The following CDC23 variants were observed in gnomAD, a reference collection of about 807,000 sequenced individuals.
CDC23 encodes the protein cell division cycle 23.
A neutral mutation model predicts 81.7 loss-of-function variants in CDC23; 26 were observed. That is an observed-to-expected ratio of 0.32 (90% CI 0.23 to 0.44). The LOEUF (loss-of-function observed/expected upper bound fraction) is 0.44, where lower values mean the gene tolerates loss of function less well. Among genes scored for constraint, CDC23 ranks in the 20% least tolerant of loss-of-function variants. The pLI is 1.00. For synonymous variants in CDC23, 267 were observed against 270.8 expected (o/e 0.99, Z 0.14); for missense variants, 519 against 728.0 (o/e 0.71, Z 3.30).
At chr5:138,207,911 T>C (rs1755070620) in intron 2 of CDC23, among the ~76,000 whole-genome samples, 4 of 151,088 alleles carry the variant, frequency 2.6e-5, no homozygotes, top group African/African-American at 4.9e-5. Flanking sequence ...TCTGGTGACG[T>C]AGCAAGACTC....
At chr5:138,195,639 A>G (rs545343971) in intron 9 of CDC23, among the ~76,000 whole-genome samples, 1,233 of 116,870 alleles carry the variant, frequency 0.011, 21 homozygotes, top group African/African-American at 0.039. Context: ...ATATATATAC[A>G]TATATAATAT....
Position 138,188,217 on chromosome 5 carries a change from A to G in CDC23, c.*761T>C, listed in dbSNP as rs1340702615. On this transcript the variant is annotated 3_prime_UTR_variant, in exon 16 of 16. Transcript: ENST00000394886. ...GTATAATCACCAATGTTATTTCCAAATGTCCGTGAAATTATCTATAATCCT... is the reference window on the plus strand; with the variant it reads ...GTATAATCACCAATGTTATTTCCAAGTGTCCGTGAAATTATCTATAATCCT... The G allele has an allele frequency of 3.9e-5, 6 of 152,176 alleles. No homozygotes were observed. Among genetic ancestry groups the G allele is most frequent in the Admixed American group, 3.9e-4 (6 of 15,268 alleles). The allele number at this position is 152,176 out of a possible 1,614,324, so 9.4% of individuals were successfully genotyped here. A position where few individuals can be genotyped will look rare whatever the true frequency, so the allele number is the denominator to read the frequency against.
intron 9 of CDC23, among the ~76,000 whole-genome samples, chr5:138,196,890 C>CTTTTT (rs34002952): frequency 8.8e-6 from 1 of 113,424 alleles, no homozygotes; most frequent in Non-Finnish European, 1.8e-5. Context: ...TTTTTTTTTC[C>CTTTTT]TTTTTTTTTT....
chr5:138,204,589 A>G (rs1355602650), intron 3 of CDC23, among the ~76,000 whole-genome samples: 5 of 151,816 alleles, frequency 3.3e-5, no homozygotes, highest in African/African-American at 1.2e-4. Flanking sequence ...TTTCAAATAA[A>G]AGGTTAAAAA....
Position 138,188,740 on chromosome 5 carries a change from G to A in CDC23, c.*238C>T. 8.4e-6 allele frequency: 3 copies of A among 355,172 alleles called. No homozygotes were observed. The highest frequency in any genetic ancestry group is 1.5e-5 in the Non-Finnish European group (3 of 198,466). 22.0% of individuals were successfully genotyped at this position (355,172 alleles called of 1,614,324 possible). On this transcript the variant is annotated 3_prime_UTR_variant, in exon 16 of 16. Coordinates refer to ENST00000394886, the MANE Select transcript of CDC23 (RefSeq NM_004661.4). ...TCAGGGAAGAAGGCCAAGATCTATA[G>A]CCACTCTTTGGACATAAGTGAGACA... is the stretch of plus-strand genomic sequence containing the variant.
Position 138,195,642 on chromosome 5 carries a change from T to C in CDC23, c.1012+2557A>G, listed in dbSNP as rs560426285. On this transcript the variant is annotated intron_variant, in intron 9 of 15. Coordinates refer to ENST00000394886, the MANE Select transcript of CDC23 (RefSeq NM_004661.4). ...ATATAAATATAAATATATATACATATATAATATATATTATATACATATATT... is the reference window on the plus strand; with the variant it reads ...ATATAAATATAAATATATATACATACATAATATATATTATATACATATATT... Among the ~76,000 whole-genome samples the C allele has an allele frequency of 3.0e-3, 347 of 116,968 alleles. 3 individuals are homozygous for C. Among genetic ancestry groups the C allele is most frequent in the African/African-American group, 0.011 (337 of 30,184 alleles). 76.7% of individuals were successfully genotyped at this position (116,968 alleles called of 152,430 possible).
At chr5:138,195,544 A>AT (rs1460073317) in intron 9 of CDC23, among the ~76,000 whole-genome samples, 1 of 112,614 alleles carries the variant, frequency 8.9e-6, no homozygotes, top group East Asian at 2.2e-4. Flanking sequence ...ATATTTATAT[A>AT]TAATATAATT....
chr5:138,204,152 A>G (rs911275201), intron 3 of CDC23, among the ~76,000 whole-genome samples: 2 of 151,516 alleles, frequency 1.3e-5, no homozygotes, highest in Non-Finnish European at 3.0e-5. Context: ...GTGTAGAGAT[A>G]AAGTAGAGAG....
At chr5:138,209,480 C>T (rs1033871212) in intron 2 of CDC23, among the ~76,000 whole-genome samples, 3 of 150,462 alleles carry the variant, frequency 2.0e-5, no homozygotes, top group East Asian at 2.0e-4. Flanking sequence ...CAAAGGATAA[C>T]GAGTTTAAGG....
chr5:138,189,886 T>TC lies in CDC23; in HGVS notation c.1444dup (p.Glu482GlyfsTer41), dbSNP rs759378162. 4 of 1,614,094 alleles carry TC rather than the reference T, an allele frequency of 2.5e-6. No individual in the cohort carries two copies. In the Admixed American group the frequency reaches 6.7e-5, roughly 27 times the overall value. Reference sequence around the variant, plus strand: ...GTAACACTGGGCAGCCTGTTCTGACTCAGTCAACTGTTCATGAAGCCTACA... The same window carrying TC: ...GTAACACTGGGCAGCCTGTTCTGACTCCAGTCAACTGTTCATGAAGCCTACA... On this transcript the variant is annotated frameshift_variant, in exon 14 of 16. Transcript: ENST00000394886. LOFTEE classifies it high-confidence loss of function.
rs767777195 is a variant in CDC23, at chr5:138,198,767, A to C, written c.670T>G (p.Leu224Val). 6.2e-7 allele frequency: 1 copy of C among 1,613,918 alleles called. No individual in the cohort carries two copies. The highest frequency in any genetic ancestry group is 1.7e-5 in the Admixed American group (1 of 59,984). The change falls in exon 7 of 16, where the codon TTG becomes GTG. Residue 224 changes from leucine to valine, a missense_variant. Leu to Val is a conservative substitution (Grantham distance 32). Coordinates refer to ENST00000394886, the MANE Select transcript of CDC23 (RefSeq NM_004661.4). ...AACTCTTTCATCCAGGTGTCTGGCA[A>C]AGACAGGAACTTCAGCTGGCAGCAG... ...TDKEMLKFLS[L>V]PDTWMKEFFL...
intron 9 of CDC23, among the ~76,000 whole-genome samples, chr5:138,196,890 C>CTTTTTTTTTCCT (rs1754918582): frequency 1.8e-5 from 2 of 113,426 alleles, no homozygotes; most frequent in African/African-American, 7.0e-5. Flanking sequence ...TTTTTTTTTC[C>CTTTTTTTTTCCT]TTTTTTTTTT....
intron 6 of CDC23, among the ~76,000 whole-genome samples, chr5:138,200,102 C>G (rs1015053599): frequency 2.6e-5 from 4 of 152,124 alleles, no homozygotes; most frequent in Non-Finnish European, 4.4e-5. Flanking sequence ...CATGACAGCT[C>G]AGAAGAGGCC....
At chr5:138,198,569 G>A in intron 7 of CDC23, 36 bp downstream of exon 7, 1 of 1,612,626 alleles carries the variant, frequency 6.2e-7, no homozygotes. Context: ...GCACCTGTCA[G>A]GGTCTGATAG....
chr5:138,211,536 G>A (rs1381082912), intron 2 of CDC23, among the ~76,000 whole-genome samples: 1 of 152,092 alleles, frequency 6.6e-6, no homozygotes, highest in Admixed American at 6.6e-5. Context: ...GGTGACGGGT[G>A]CCTGTAATCC....
At chr5:138,202,778 G>A (rs1755003446) in intron 3 of CDC23, among the ~76,000 whole-genome samples, 1 of 152,188 alleles carries the variant, frequency 6.6e-6, no homozygotes, top group Admixed American at 6.5e-5. Context: ...CAAGCGTTGA[G>A]TAGTAAATGT....
chr5:138,192,252 C>A lies in CDC23; in HGVS notation c.1286+17G>T. The A allele has an allele frequency of 6.2e-7, 1 of 1,613,902 alleles. No individual in the cohort carries two copies. The highest frequency in any genetic ancestry group is 1.1e-5 in the South Asian group (1 of 91,020). ...GCCCTTCCCATATCAGACGCATTGTCAAGTGACCAGGCTTACCGAAGCTGG... is the reference window on the plus strand; with the variant it reads ...GCCCTTCCCATATCAGACGCATTGTAAAGTGACCAGGCTTACCGAAGCTGG... On this transcript the variant is annotated intron_variant, in intron 11 of 15. Transcript: ENST00000394886.
In CDC23 at chr5:138,192,485, A is replaced by G; in HGVS notation, c.1166+19T>C. 1 of 1,613,542 alleles carries G rather than the reference A, an allele frequency of 6.2e-7. No homozygotes were observed. Among genetic ancestry groups the G allele is most frequent in the Non-Finnish European group, 8.5e-7 (1 of 1,179,662 alleles). ...TAACCACAGCAATCTGCTCTACCTC[A>G]CCACCTATAGATAATCACCTATAAG... On this transcript the variant is annotated intron_variant, in intron 10 of 15. Coordinates refer to ENST00000394886, the MANE Select transcript of CDC23 (RefSeq NM_004661.4).
Position 138,202,103 on chromosome 5 carries a change from A to G in CDC23, c.415+10T>C. On this transcript the variant is annotated intron_variant, in intron 4 of 15. Coordinates refer to ENST00000394886, the MANE Select transcript of CDC23 (RefSeq NM_004661.4). ...TTTTAGGTCAAAAGGTAAAAGAAAA[A>G]AATTCGTACCTAAGCTATCAACTGT... 6.2e-7 allele frequency: 1 copy of G among 1,607,080 alleles called. No individual in the cohort carries two copies. The highest frequency in any genetic ancestry group is 8.5e-7 in the Non-Finnish European group (1 of 1,176,738).
Sources: gnomAD v4.1 joint callset for allele counts (sites outside exome capture counted in the v4.1 genomes callset) on GRCh38, gnomAD v4.1.1 for gene constraint, MANE v1.5 for transcripts, NCBI Gene and HGNC (gene_info 2026-07-23, HGNC 2026-07-21) for gene names.